CHMP7: variants seen among roughly 807,000 people sequenced by gnomAD.
CHMP7 encodes charged multivesicular body protein 7.
CHMP7 carries 15 observed loss-of-function variants against 53.7 expected under a neutral mutation model. The observed-to-expected ratio is 0.28, with a 90% CI of 0.19 to 0.43. The LOEUF (loss-of-function observed/expected upper bound fraction) is 0.43, where lower values mean the gene tolerates loss of function less well. Among genes scored for constraint, CHMP7 ranks in the 20% least tolerant of loss-of-function variants. The pLI is 1.00. For synonymous variants in CHMP7, 261 were observed against 228.0 expected (o/e 1.14, Z -1.30); for missense variants, 527 against 569.4 (o/e 0.93, Z 0.76).
At chr8:23,259,815 T>A (rs1212294840) in intron 9 of CHMP7, 1 of 231,320 alleles carries the variant, frequency 4.3e-6, no homozygotes, top group Non-Finnish European at 8.4e-6. Flanking sequence ...TGCCATTTCC[T>A]CCTCGACAGC....
chr8:23,258,918 C>T (rs4872098), intron 8 of CHMP7, 88 bp downstream of exon 8: 842,943 of 1,088,148 alleles, frequency 0.77, 328,067 homozygotes, highest in Admixed American at 0.84. Context: ...TTAACGAAAC[C>T]TGACTTGTGA....
chr8:23,246,347 G>A lies in CHMP7; in HGVS notation c.-349G>A. 3.7e-6 allele frequency: 1 copy of A among 272,782 alleles called. No homozygotes were observed. 16.9% of individuals were successfully genotyped at this position (272,782 alleles called of 1,614,324 possible). Reference sequence around the variant, plus strand: ...CATTTTCTGAAGCCACAGGTCAGAAGCCGCTGTACAACGCTTTGCCGAACT... The same window carrying A: ...CATTTTCTGAAGCCACAGGTCAGAAACCGCTGTACAACGCTTTGCCGAACT... On this transcript the variant is annotated 5_prime_UTR_variant, in exon 2 of 11. Coordinates refer to ENST00000397677, the MANE Select transcript of CHMP7 (RefSeq NM_152272.5).
intron 7 of CHMP7, 22 bp downstream of exon 7, chr8:23,258,471 A>G: frequency 6.2e-7 from 1 of 1,613,618 alleles, no homozygotes; most frequent in Non-Finnish European, 8.5e-7. Context: ...CCTCTACTCC[A>G]GCACTTGGCT....
In CHMP7 at chr8:23,257,209, G is replaced by A. The variant is rs111684416; in HGVS notation, c.791+616G>A. On this transcript the variant is annotated intron_variant, in intron 5 of 10. Transcript: ENST00000397677. ...ACTCCTGAGCTCAAGCAATCTTCCCGCCTTAGCCTCCTGAGTAGCTGGGAC... is the reference window on the plus strand; with the variant it reads ...ACTCCTGAGCTCAAGCAATCTTCCCACCTTAGCCTCCTGAGTAGCTGGGAC... 2.0e-3 allele frequency among the ~76,000 whole-genome samples: 302 copies of A among 149,326 alleles called. 2 individuals carry two copies. Among genetic ancestry groups the A allele is most frequent in the African/African-American group, 7.2e-3 (291 of 40,612 alleles).
chr8:23,254,948 C>G, intron 3 of CHMP7: 1 of 443,794 alleles, frequency 2.3e-6, no homozygotes, highest in South Asian at 2.1e-5. Flanking sequence ...CCTCAGTCTT[C>G]CCTTGGGAAA....
rs1341935933 is a variant in CHMP7, at chr8:23,246,412, G to A, written c.-284G>A. The A allele has an allele frequency of 4.3e-6, 2 of 463,624 alleles. No individual in the cohort carries two copies. The highest frequency in any genetic ancestry group is 7.7e-6 in the Non-Finnish European group (2 of 259,076). 28.7% of individuals were successfully genotyped at this position (463,624 alleles called of 1,614,324 possible). The stretch of plus-strand genomic sequence containing the variant: ...GAGACGTAAGGTGCAGCCACCTGCC[G>A]CGCAGGCGCAAGCCTTTCTTTCGGC... On this transcript the variant is annotated 5_prime_UTR_variant, in exon 2 of 11. Coordinates refer to ENST00000397677, the MANE Select transcript of CHMP7 (RefSeq NM_152272.5).
At chr8:23,250,252 C>T (rs1460468722) in intron 3 of CHMP7, among the ~76,000 whole-genome samples, 1 of 152,162 alleles carries the variant, frequency 6.6e-6, no homozygotes, top group South Asian at 2.1e-4. Flanking sequence ...CTACAGTTTT[C>T]TGTCCTCTTA....
At chr8:23,256,942 G>A (rs1003848429) in intron 5 of CHMP7, among the ~76,000 whole-genome samples, 4 of 151,768 alleles carry the variant, frequency 2.6e-5, no homozygotes, top group African/African-American at 7.3e-5. Context: ...ACAGCCACCC[G>A]CCACCACGCC....
At chr8:23,254,083 C>T (rs1287977774) in intron 3 of CHMP7, among the ~76,000 whole-genome samples, 1 of 152,014 alleles carries the variant, frequency 6.6e-6, no homozygotes, top group East Asian at 1.9e-4. Context: ...GTACACGTGC[C>T]GCATTGACCC....
intron 3 of CHMP7, among the ~76,000 whole-genome samples, chr8:23,250,620 CTGTGTG>C (rs59970101): frequency 0.014 from 2,017 of 143,308 alleles, 15 homozygotes; most frequent in Non-Finnish European, 0.016. Context: ...TGATAGGGGC[CTGTGTG>C]TGTGTGTGTG....
intron 3 of CHMP7, chr8:23,252,496 C>T (rs1289097733): frequency 6.6e-6 from 1 of 152,030 alleles, no homozygotes; most frequent in African/African-American, 2.4e-5. Flanking sequence ...ATTGTGTTAT[C>T]TTTTATGTTA....
chr8:23,257,162 G>T (rs1185026266), intron 5 of CHMP7, among the ~76,000 whole-genome samples: 17 of 145,780 alleles, frequency 1.2e-4, no homozygotes, highest in African/African-American at 4.3e-4. Context: ...GCAGTGACAT[G>T]ATCTTAGCTC....
intron 2 of CHMP7, among the ~76,000 whole-genome samples, chr8:23,248,883 G>A (rs1005170622): frequency 6.6e-6 from 1 of 152,198 alleles, no homozygotes; most frequent in Admixed American, 6.5e-5. Context: ...CCCAGAAGCC[G>A]CCTGTGTTTC....
chr8:23,258,023 T>A lies in CHMP7; in HGVS notation c.792-10T>A, dbSNP rs375705364. On this transcript the variant is annotated splice_polypyrimidine_tract_variant and intron_variant, in intron 5 of 10. Transcript: ENST00000397677. ...TGGCACAGTAATCTTATCTGTCCCT[T>A]TGTTTCCAGGTGTAAAGAAGAAGCC... 33 of 1,607,682 alleles carry A rather than the reference T, an allele frequency of 2.1e-5. No homozygotes were observed. Among genetic ancestry groups the A allele is most frequent in the Non-Finnish European group, 2.8e-5 (33 of 1,174,982 alleles).
At chr8:23,245,896 G>A (rs766157850) in intron 1 of CHMP7, among the ~76,000 whole-genome samples, 29 of 152,094 alleles carry the variant, frequency 1.9e-4, no homozygotes, top group Non-Finnish European at 4.0e-4. Context: ...TCAAATTTGT[G>A]GACATACAGT....
chr8:23,257,451 A>G (rs1802180859), intron 5 of CHMP7, among the ~76,000 whole-genome samples: 1 of 152,164 alleles, frequency 6.6e-6, no homozygotes, highest in South Asian at 2.1e-4. Context: ...TGTTATGTTT[A>G]TGCTCTTCCT....
chr8:23,255,111 C>T (rs1802070431), intron 3 of CHMP7, 136 bp from the exon 4 acceptor site: 9 of 822,446 alleles, frequency 1.1e-5, no homozygotes, highest in East Asian at 5.3e-5. Flanking sequence ...TTTGAAAAGC[C>T]GCTACTTTGG....
In CHMP7 at chr8:23,246,511, C is replaced by CT; in HGVS notation, c.-184dup. The CT allele has an allele frequency of 5.0e-6, 3 of 605,860 alleles. No individual in the cohort carries two copies. The South Asian group carries it at 6.1e-5, about 12-fold the overall frequency. 37.5% of individuals were successfully genotyped at this position (605,860 alleles called of 1,614,324 possible). A position where few individuals can be genotyped will look rare whatever the true frequency, so the allele number is the denominator to read the frequency against. Reference sequence around the variant, plus strand: ...GAAAAGAACTTCATCATACTGCCTCCTGGCTGACGGAGCGCAGCGCAACGC... The same window carrying CT: ...GAAAAGAACTTCATCATACTGCCTCCTTGGCTGACGGAGCGCAGCGCAACGC... On this transcript the variant is annotated 5_prime_UTR_variant, in exon 2 of 11. Coordinates refer to ENST00000397677, the MANE Select transcript of CHMP7 (RefSeq NM_152272.5).
At chr8:23,252,105 G>A (rs930194334) in intron 3 of CHMP7, among the ~76,000 whole-genome samples, 4 of 149,208 alleles carry the variant, frequency 2.7e-5, no homozygotes, top group Non-Finnish European at 4.5e-5. Context: ...TTTGTGAATT[G>A]AGCATTTTTT....
Sources: gnomAD v4.1 joint callset for allele counts (sites outside exome capture counted in the v4.1 genomes callset) on GRCh38, gnomAD v4.1.1 for gene constraint, MANE v1.5 for transcripts, NCBI Gene and HGNC (gene_info 2026-07-23, HGNC 2026-07-21) for gene names.